RNF182: variants seen among roughly 807,000 people sequenced by gnomAD.
The protein encoded by RNF182 is E3 ubiquitin-protein ligase RNF182.
Under a neutral mutation model 14.4 loss-of-function variants are expected in RNF182, and 15 were observed. The ratio of observed to expected loss-of-function variants is 1.04; its 90% CI spans 0.70 to 1.60. The LOEUF is 1.60. RNF182 is among the 40% of genes most tolerant of loss of function. RNF182 has a pLI of 0.00. For missense variants in RNF182, 268 were observed against 294.8 expected, an observed-to-expected ratio of 0.91 and a Z score of 0.67; for synonymous variants, 128 against 122.9, an observed-to-expected ratio of 1.04 and a Z score of -0.27.
At chr6:13,950,531 T>C (rs1395583541) in intron 1 of RNF182, among the ~76,000 whole-genome samples, 1 of 142,970 alleles carries the variant, frequency 7.0e-6, no homozygotes, top group East Asian at 2.1e-4. Flanking sequence ...AGAGTCCTGC[T>C]CTGTCTCCCA....
chr6:13,951,045 C>T (rs941085018), intron 1 of RNF182, among the ~76,000 whole-genome samples: 2 of 152,170 alleles, frequency 1.3e-5, no homozygotes, highest in Non-Finnish European at 2.9e-5. Context: ...GATCTGCCCA[C>T]CTCAGCCTTC....
chr6:13,972,116 C>T lies in RNF182; in HGVS notation c.-366-2094C>T, dbSNP rs578099650. ...GAGATCAAGACCATCCTGGCTAACA[C>T]GGTGAAACCCCGTCTACTAAAAAAT... On this transcript the variant is annotated intron_variant, in intron 1 of 2. Transcript: ENST00000488300. Among the ~76,000 whole-genome samples the T allele has an allele frequency of 2.6e-4, 40 of 151,460 alleles. No homozygotes were observed. The South Asian group carries it at 6.7e-3, about 25-fold the overall frequency.
chr6:13,942,846 C>T (rs1759334769), intron 1 of RNF182, among the ~76,000 whole-genome samples: 2 of 152,108 alleles, frequency 1.3e-5, no homozygotes, highest in South Asian at 4.1e-4. Context: ...TTTCAATTCA[C>T]TAATGTTCTC....
At chr6:13,934,919 A>G (rs1192608343) in intron 1 of RNF182, among the ~76,000 whole-genome samples, 2 of 152,228 alleles carry the variant, frequency 1.3e-5, no homozygotes, top group Non-Finnish European at 2.9e-5. Flanking sequence ...CCTGAGGCAG[A>G]GAGAGAAGAC....
At chr6:13,929,065 T>A (rs1387226916) in intron 1 of RNF182, among the ~76,000 whole-genome samples, 1 of 152,224 alleles carries the variant, frequency 6.6e-6, no homozygotes, top group Non-Finnish European at 1.5e-5. Flanking sequence ...GTCACTTGCC[T>A]CCATTTTTCC....
chr6:13,970,411 C>T (rs1760145995), intron 1 of RNF182, among the ~76,000 whole-genome samples: 1 of 152,192 alleles, frequency 6.6e-6, no homozygotes, highest in Non-Finnish European at 1.5e-5. Flanking sequence ...TGGTTCCATT[C>T]ATGTTGCTAC....
rs1290547651 is a variant in RNF182, at chr6:13,980,070, T to G, written c.*2207T>G. Reference sequence around the variant, plus strand: ...GTTATGACTTTGCACCTCTGTTAGCTTTAGATAACGGCAAACATGAACATT... The same window carrying G: ...GTTATGACTTTGCACCTCTGTTAGCGTTAGATAACGGCAAACATGAACATT... On this transcript the variant is annotated 3_prime_UTR_variant, in exon 3 of 3. Transcript: ENST00000488300. 1 of 155,334 alleles carries G rather than the reference T, an allele frequency of 6.4e-6. No homozygotes were observed. The highest frequency in any genetic ancestry group is 2.1e-4 in the South Asian group (1 of 4,832). 9.6% of individuals were successfully genotyped at this position (155,334 alleles called of 1,614,324 possible). A position where few individuals can be genotyped will look rare whatever the true frequency, so the allele number is the denominator to read the frequency against.
At chr6:13,973,065 A>G (rs1760233671) in intron 1 of RNF182, among the ~76,000 whole-genome samples, 1 of 152,242 alleles carries the variant, frequency 6.6e-6, no homozygotes. Context: ...GTCCAAGACC[A>G]TGGGAACCCA....
At chr6:13,970,655 A>T (rs1385861482) in intron 1 of RNF182, among the ~76,000 whole-genome samples, 1 of 152,132 alleles carries the variant, frequency 6.6e-6, no homozygotes, top group Non-Finnish European at 1.5e-5. Flanking sequence ...TTTTTTGAGA[A>T]ATGTTTATAC....
At chr6:13,955,246 T>C (rs1276835291) in intron 1 of RNF182, among the ~76,000 whole-genome samples, 1 of 152,224 alleles carries the variant, frequency 6.6e-6, no homozygotes, top group Non-Finnish European at 1.5e-5. Context: ...GATTTGGACC[T>C]ACTGGGAGTT....
At chr6:13,940,276 CT>C (rs1354233772) in intron 1 of RNF182, among the ~76,000 whole-genome samples, 1 of 152,044 alleles carries the variant, frequency 6.6e-6, no homozygotes, top group African/African-American at 2.4e-5. Context: ...TGATTTGTTC[CT>C]CCTTTATTTT....
intron 2 of RNF182, among the ~76,000 whole-genome samples, chr6:13,975,201 C>T (rs189292257): frequency 3.3e-5 from 5 of 152,242 alleles, no homozygotes; most frequent in African/African-American, 9.6e-5. Flanking sequence ...TGTTCTTTGG[C>T]TGTCATCCTG....
chr6:13,931,326 A>C (rs1758962099), intron 1 of RNF182, among the ~76,000 whole-genome samples: 1 of 152,182 alleles, frequency 6.6e-6, no homozygotes, highest in Admixed American at 6.5e-5. Context: ...ATGAAATGAA[A>C]AGTAACTCAA....
chr6:13,935,342 G>C (rs1759081328), intron 1 of RNF182, among the ~76,000 whole-genome samples: 1 of 151,614 alleles, frequency 6.6e-6, no homozygotes, highest in Non-Finnish European at 1.5e-5. Flanking sequence ...TAATCCCTGT[G>C]TTGTATTCCC....
At chr6:13,970,376 T>C (rs1056656307) in intron 1 of RNF182, among the ~76,000 whole-genome samples, 2 of 152,346 alleles carry the variant, frequency 1.3e-5, no homozygotes, top group South Asian at 4.1e-4. Context: ...TGTGCCTGGC[T>C]TATTGCACTT....
intron 1 of RNF182, among the ~76,000 whole-genome samples, chr6:13,931,204 A>C (rs1252580981): frequency 6.6e-6 from 1 of 152,184 alleles, no homozygotes; most frequent in Non-Finnish European, 1.5e-5. Flanking sequence ...TGGAACAAAA[A>C]CCAAAATTAA....
In RNF182 at chr6:13,977,836, T is replaced by G. The variant is rs765347767; in HGVS notation, c.717T>G (p.Phe239Leu). 2 of 1,613,988 alleles carry G rather than the reference T, an allele frequency of 1.2e-6. No individual in the cohort carries two copies. Among genetic ancestry groups the G allele is most frequent in the South Asian group, 2.2e-5 (2 of 91,056 alleles). The change falls in exon 3 of 3, where the codon TTT (phenylalanine) becomes TTG (leucine). Residue 239 changes from phenylalanine to leucine, a missense_variant. Transcript: ENST00000488300. ...YGFCQCVCHE[F>L]LDCMAPPS ...TTTGCCAGTGTGTTTGTCATGAATT[T>G]CTAGACTGTATGGCACCTCCTTCTT...
intron 1 of RNF182, chr6:13,949,501 A>G: frequency 3.5e-6 from 2 of 568,402 alleles, no homozygotes; most frequent in African/African-American, 1.9e-5. Context: ...AATTACGGAA[A>G]AAGACACTTG....
At chr6:13,966,899 C>T (rs1760047319) in intron 1 of RNF182, among the ~76,000 whole-genome samples, 1 of 151,982 alleles carries the variant, frequency 6.6e-6, no homozygotes, top group African/African-American at 2.4e-5. Context: ...TGCAGTGGTG[C>T]AATCATAGCT....
Sources: allele counts gnomAD v4.1 joint callset (sites outside exome capture counted in the v4.1 genomes callset), GRCh38; gene constraint gnomAD v4.1.1; transcripts MANE v1.5; gene names NCBI Gene and HGNC (gene_info 2026-07-23, HGNC 2026-07-21).